The following P2RY14 variants were observed in gnomAD, a reference collection of about 807,000 sequenced individuals.
The protein encoded by P2RY14 is P2Y purinoceptor 14.
In P2RY14, 2 loss-of-function variants were observed where a neutral mutation model predicts 0.9. That is an observed-to-expected ratio of 2.16 (90% CI 0.88 to 6.79). The LOEUF is 6.79. Ranked by LOEUF, P2RY14 falls within the 30% of genes most tolerant of loss-of-function variation. The pLI is 0.05. For missense variants in P2RY14, 378 were observed against 400.1 expected, an observed-to-expected ratio of 0.94 and a Z score of 0.47; for synonymous variants, 158 against 147.2, an observed-to-expected ratio of 1.07 and a Z score of -0.53.
intron 1 of P2RY14, among the ~76,000 whole-genome samples, chr3:151,263,552 C>T (rs779769395): frequency 1.6e-4 from 24 of 152,102 alleles, no homozygotes; most frequent in Admixed American, 2.0e-4. Flanking sequence ...ATGAGCTTTA[C>T]GTGTTTTATC....
intron 1 of P2RY14, chr3:151,269,666 G>T: frequency 2.5e-6 from 1 of 406,250 alleles, no homozygotes; most frequent in East Asian, 6.3e-5. Flanking sequence ...AGAATTTGGA[G>T]GTATTAAATC....
chr3:151,217,287 C>G (rs1043238662), intron 2 of P2RY14, among the ~76,000 whole-genome samples: 2 of 152,128 alleles, frequency 1.3e-5, no homozygotes, highest in African/African-American at 4.8e-5. Flanking sequence ...ATTATTTTCT[C>G]AGAGTCTTGT....
intron 2 of P2RY14, among the ~76,000 whole-genome samples, chr3:151,215,375 ATC>A (rs1727999364): frequency 6.6e-6 from 1 of 152,208 alleles, no homozygotes. Context: ...AATGTAAAAT[ATC>A]TCAGTATTTT....
intron 1 of P2RY14, among the ~76,000 whole-genome samples, chr3:151,242,903 A>C (rs2149392338): frequency 6.7e-6 from 1 of 150,150 alleles, no homozygotes; most frequent in African/African-American, 2.4e-5. Context: ...AGAATAACCA[A>C]TACAGAGAAG....
At chr3:151,268,610 C>G (rs1740280652) in intron 1 of P2RY14, among the ~76,000 whole-genome samples, 7 of 152,184 alleles carry the variant, frequency 4.6e-5, no homozygotes, top group Admixed American at 4.6e-4. Context: ...TTTGTGAGTT[C>G]ATTCCCATTA....
chr3:151,220,573 G>A (rs558792373), intron 1 of P2RY14, among the ~76,000 whole-genome samples: 1 of 152,272 alleles, frequency 6.6e-6, no homozygotes, highest in South Asian at 2.1e-4. Flanking sequence ...ATGGGGGTGG[G>A]TCTTTCTGTG....
intron 1 of P2RY14, among the ~76,000 whole-genome samples, chr3:151,227,644 A>G (rs1730803118): frequency 6.6e-6 from 1 of 152,122 alleles, no homozygotes; most frequent in Non-Finnish European, 1.5e-5. Context: ...GCACCTCATG[A>G]CCTCCAATGG....
At chr3:151,272,160 AAGGC>A (rs1741071767) in intron 1 of P2RY14, among the ~76,000 whole-genome samples, 1 of 152,196 alleles carries the variant, frequency 6.6e-6, no homozygotes, top group African/African-American at 2.4e-5. Flanking sequence ...CTTGCAGGAA[AAGGC>A]AGGATAAACA....
intron 1 of P2RY14, among the ~76,000 whole-genome samples, chr3:151,237,498 C>T (rs1431221488): frequency 4.7e-5 from 7 of 150,158 alleles, no homozygotes; most frequent in South Asian, 2.1e-4. Context: ...TACAGGTGCC[C>T]GCCACCATGC....
intron 1 of P2RY14, among the ~76,000 whole-genome samples, chr3:151,248,472 A>G (rs1364265043): frequency 6.6e-6 from 1 of 152,134 alleles, no homozygotes. Flanking sequence ...TTCGTTCTTT[A>G]TTGGACTGTC....
At chr3:151,269,904 G>A (rs577908921) in intron 1 of P2RY14, 10 of 457,456 alleles carry the variant, frequency 2.2e-5, no homozygotes, top group Admixed American at 7.3e-5. Flanking sequence ...TTTACTGACC[G>A]TTCTGATGCA....
rs767181591 is a variant in P2RY14, at chr3:151,244,916, A to AT, written c.-132-25275dup. ...AAGAGAGAAGAATCTAATAGACCCA[A>AT]TAAAAAATGATAAAGGGGATATCAC... On this transcript the variant is annotated intron_variant, in intron 1 of 2. Transcript: ENST00000309170. Among the ~76,000 whole-genome samples, 268 of 152,350 alleles carry AT rather than the reference A, an allele frequency of 1.8e-3. 1 individual carries two copies. The highest frequency in any genetic ancestry group is 3.1e-3 in the Non-Finnish European group (211 of 68,040).
intron 1 of P2RY14, among the ~76,000 whole-genome samples, chr3:151,264,696 C>T (rs542973708): frequency 6.6e-6 from 1 of 152,298 alleles, no homozygotes; most frequent in Non-Finnish European, 1.5e-5. Context: ...CCTACCCCAG[C>T]CAGCTGCAAG....
intron 1 of P2RY14, among the ~76,000 whole-genome samples, chr3:151,273,793 A>G (rs552054845): frequency 6.6e-6 from 1 of 152,296 alleles, no homozygotes; most frequent in South Asian, 2.1e-4. Context: ...CAAGGCATAT[A>G]CCATTTCTTA....
intron 1 of P2RY14, chr3:151,248,958 G>A (rs1036630855): frequency 2.0e-5 from 3 of 152,176 alleles, no homozygotes; most frequent in African/African-American, 7.2e-5. Flanking sequence ...TTTGCTCTCT[G>A]CTGGACTGCT....
intron 2 of P2RY14, among the ~76,000 whole-genome samples, chr3:151,214,875 A>AT (rs1727887938): frequency 1.3e-5 from 2 of 152,270 alleles, no homozygotes; most frequent in East Asian, 1.9e-4. Context: ...TGTGTAATGT[A>AT]TTTTTTTAAA....
At chr3:151,240,310 A>T (rs1480770615) in intron 1 of P2RY14, among the ~76,000 whole-genome samples, 1 of 152,136 alleles carries the variant, frequency 6.6e-6, no homozygotes, top group Non-Finnish European at 1.5e-5. Flanking sequence ...TATTTCTGTG[A>T]TTTCTTTTTT....
chr3:151,260,733 G>GT (rs1738713114), intron 1 of P2RY14, among the ~76,000 whole-genome samples: 1 of 152,102 alleles, frequency 6.6e-6, no homozygotes, highest in Non-Finnish European at 1.5e-5. Flanking sequence ...CTTTTCTGAG[G>GT]TTTGTAGGTA....
At chr3:151,245,489 C>G (rs1473247394) in intron 1 of P2RY14, among the ~76,000 whole-genome samples, 2 of 141,988 alleles carry the variant, frequency 1.4e-5, no homozygotes, top group East Asian at 4.1e-4. Context: ...AAATGTAATC[C>G]AGCATATAAA....
Sources: allele counts gnomAD v4.1 joint callset (sites outside exome capture counted in the v4.1 genomes callset), GRCh38; gene constraint gnomAD v4.1.1; transcripts MANE v1.5; gene names NCBI Gene and HGNC (gene_info 2026-07-23, HGNC 2026-07-21).